Variants in LHFPL3 observed in about 807,000 individuals in gnomAD.
LHFPL3 encodes the protein LHFPL tetraspan subfamily member 3 protein.
LHFPL3 carries 5 observed loss-of-function variants against 19.3 expected under a neutral mutation model. The observed-to-expected ratio is 0.26, with a 90% CI of 0.14 to 0.54. The LOEUF is 0.54. Ranked by LOEUF, LHFPL3 falls within the 20% of genes least tolerant of loss-of-function variation. The probability of loss-of-function intolerance (pLI) is 0.94; values close to 1 mark genes in which losing one functional copy is unlikely to be tolerated. For synonymous variants in LHFPL3, 133 were observed against 126.2 expected, an observed-to-expected ratio of 1.05 and a Z score of -0.36; for missense variants, 249 against 307.4, an observed-to-expected ratio of 0.81 and a Z score of 1.42.
chr7:104,799,595 G>A (rs534756274), intron 2 of LHFPL3: 7 of 152,676 alleles, frequency 4.6e-5, no homozygotes, highest in South Asian at 2.1e-4. Flanking sequence ...TCTATATCAC[G>A]ACATAGTAGA....
chr7:104,596,775 G>A (rs1000262452), intron 1 of LHFPL3, among the ~76,000 whole-genome samples: 2 of 152,102 alleles, frequency 1.3e-5, no homozygotes, highest in Non-Finnish European at 2.9e-5. Flanking sequence ...TTCATCTCAC[G>A]TGCATTGCCA....
At chr7:104,835,313 T>A (rs1431760680) in intron 2 of LHFPL3, among the ~76,000 whole-genome samples, 1 of 152,024 alleles carries the variant, frequency 6.6e-6, no homozygotes, top group Non-Finnish European at 1.5e-5. Flanking sequence ...TGTGTTCTTC[T>A]AGTCAAAGTG....
At chr7:104,666,965 G>A (rs1221176599) in intron 1 of LHFPL3, among the ~76,000 whole-genome samples, 1 of 152,116 alleles carries the variant, frequency 6.6e-6, no homozygotes, top group East Asian at 1.9e-4. Context: ...GGAGGTGCAG[G>A]TATCCCTTTG....
At chr7:104,876,352 A>C (rs1481837223) in intron 2 of LHFPL3, among the ~76,000 whole-genome samples, 2 of 152,228 alleles carry the variant, frequency 1.3e-5, no homozygotes, top group African/African-American at 4.8e-5. Flanking sequence ...CAACCTACAG[A>C]ATGGGAGAAA....
intron 2 of LHFPL3, among the ~76,000 whole-genome samples, chr7:104,813,174 A>C (rs1165976673): frequency 6.6e-6 from 1 of 151,958 alleles, no homozygotes; most frequent in African/African-American, 2.4e-5. Flanking sequence ...GCTACTGGGG[A>C]GGCTGAGGTG....
chr7:104,902,366 C>A (rs1792504349), intron 2 of LHFPL3, among the ~76,000 whole-genome samples: 1 of 150,874 alleles, frequency 6.6e-6, no homozygotes, highest in South Asian at 2.1e-4. Flanking sequence ...AAGCCTGAGT[C>A]ACAGAGCAAG....
intron 1 of LHFPL3, among the ~76,000 whole-genome samples, chr7:104,595,768 G>A (rs1057477245): frequency 1.3e-5 from 2 of 152,242 alleles, no homozygotes; most frequent in African/African-American, 4.8e-5. Context: ...CTCAGCAATG[G>A]CAGACGCCCC....
chr7:104,596,544 C>G (rs753577338), intron 1 of LHFPL3, among the ~76,000 whole-genome samples: 1 of 152,128 alleles, frequency 6.6e-6, no homozygotes, highest in Non-Finnish European at 1.5e-5. Flanking sequence ...TGGATCTTAT[C>G]GAATGATTAG....
chr7:104,855,683 G>A (rs1170221736), intron 2 of LHFPL3, among the ~76,000 whole-genome samples: 2 of 151,726 alleles, frequency 1.3e-5, no homozygotes, highest in Admixed American at 6.6e-5. Flanking sequence ...GAGTGCAGTG[G>A]CACAATCTCA....
intron 1 of LHFPL3, among the ~76,000 whole-genome samples, chr7:104,719,368 G>A (rs145723828): frequency 3.3e-4 from 50 of 151,942 alleles, no homozygotes; most frequent in African/African-American, 7.7e-4. Context: ...TTAAAATATC[G>A]AGGCAAAAAA....
chr7:104,754,735 G>A (rs1301118869), intron 2 of LHFPL3, among the ~76,000 whole-genome samples: 1 of 152,202 alleles, frequency 6.6e-6, no homozygotes, highest in Admixed American at 6.5e-5. Context: ...GGAAATAAGG[G>A]TTGGGAAAAA....
intron 1 of LHFPL3, among the ~76,000 whole-genome samples, chr7:104,562,874 T>G (rs1323311408): frequency 6.6e-6 from 1 of 151,676 alleles, no homozygotes; most frequent in Non-Finnish European, 1.5e-5. Flanking sequence ...TGGATGTCCT[T>G]TCTGTTTGTT....
chr7:104,871,799 C>T (rs904886171), intron 2 of LHFPL3, among the ~76,000 whole-genome samples: 1 of 151,950 alleles, frequency 6.6e-6, no homozygotes, highest in Non-Finnish European at 1.5e-5. Context: ...GCTAGGATTA[C>T]AGGCATATGC....
rs1213846643 is a variant in LHFPL3, at chr7:104,788,919, G to GA, written c.682+52012dup. ...AAAATATATAGCAGAAGTTACCCTT[G>GA]AAAATCTCTTTAAGAAGGCACCACC... On this transcript the variant is annotated intron_variant, in intron 2 of 2. Transcript: ENST00000424859. 2.6e-5 allele frequency among the ~76,000 whole-genome samples: 4 copies of GA among 152,256 alleles called. No individual in the cohort carries two copies. In the East Asian group the frequency reaches 7.7e-4, roughly 29 times the overall value.
chr7:104,857,138 C>T (rs938262936), intron 2 of LHFPL3, among the ~76,000 whole-genome samples: 33 of 152,160 alleles, frequency 2.2e-4, no homozygotes, highest in African/African-American at 7.7e-4. Flanking sequence ...CACATGAGGA[C>T]ACCATAGCTC....
At chr7:104,759,907 G>A (rs939207069) in intron 2 of LHFPL3, 4 of 152,238 alleles carry the variant, frequency 2.6e-5, no homozygotes, top group Non-Finnish European at 5.9e-5. Context: ...GTCACGCAGT[G>A]AGTGATAGCA....
At chr7:104,828,838 C>G (rs1790874410) in intron 2 of LHFPL3, among the ~76,000 whole-genome samples, 1 of 151,724 alleles carries the variant, frequency 6.6e-6, no homozygotes, top group African/African-American at 2.4e-5. Context: ...AGTTCGAGAC[C>G]AGCCTGGCCA....
chr7:104,866,191 C>T (rs913406216), intron 2 of LHFPL3, among the ~76,000 whole-genome samples: 1 of 152,164 alleles, frequency 6.6e-6, no homozygotes, highest in Non-Finnish European at 1.5e-5. Flanking sequence ...AACCAGCTAA[C>T]ATCATAATGA....
intron 1 of LHFPL3, among the ~76,000 whole-genome samples, chr7:104,693,087 G>A (rs7782285): frequency 0.52 from 79,193 of 152,090 alleles, 20,892 homozygotes; most frequent in East Asian, 0.59. Context: ...GAGATCATTC[G>A]GAGCTTTAAG....
Sources: allele counts gnomAD v4.1 joint callset (sites outside exome capture counted in the v4.1 genomes callset), GRCh38; gene constraint gnomAD v4.1.1; transcripts MANE v1.5; gene names NCBI Gene and HGNC (gene_info 2026-07-23, HGNC 2026-07-21).